Variants in AKR1C8 observed in about 807,000 individuals in gnomAD.
The protein encoded by AKR1C8 is aldo-keto reductase family 1 member C-like protein 1.
the AKR1C8 span, among the ~76,000 whole-genome samples, chr10:5,134,170 C>A: frequency 6.6e-6 from 1 of 152,108 alleles, no homozygotes; most frequent in Non-Finnish European, 1.5e-5. Context: ...TCCCCTGATA[C>A]CAGCCCTGAT....
the AKR1C8 span, among the ~76,000 whole-genome samples, chr10:5,158,296 G>A: frequency 6.6e-6 from 1 of 152,198 alleles, no homozygotes; most frequent in African/African-American, 2.4e-5. Context: ...GTGGGTTACA[G>A]AGTATGTCCA....
chr10:5,176,431 T>C, the AKR1C8 span, among the ~76,000 whole-genome samples: 1 of 148,758 alleles, frequency 6.7e-6, no homozygotes, highest in African/African-American at 2.5e-5. Context: ...AGCTTTCTTC[T>C]TTTGGCTTAG....
At chr10:5,160,018 G>A in the AKR1C8 span, 3 of 359,612 alleles carry the variant, frequency 8.3e-6, no homozygotes, top group South Asian at 4.0e-5. Flanking sequence ...GGGGAGGAAG[G>A]ATATGGGTGA....
chr10:5,164,986 G>T, the AKR1C8 span, among the ~76,000 whole-genome samples: 1 of 151,986 alleles, frequency 6.6e-6, no homozygotes, highest in East Asian at 1.9e-4. Context: ...TATTCTTATT[G>T]GGTAAACTCA....
At chr10:5,179,661 G>A in the AKR1C8 span, among the ~76,000 whole-genome samples, 1 of 20,462 alleles carries the variant, frequency 4.9e-5, no homozygotes, top group Non-Finnish European at 9.6e-5. Flanking sequence ...CATATTTCTT[G>A]GAGGCTTTGT....
the AKR1C8 span, among the ~76,000 whole-genome samples, chr10:5,138,152 A>C: frequency 6.6e-6 from 1 of 152,000 alleles, no homozygotes; most frequent in Non-Finnish European, 1.5e-5. Context: ...TCTGACCACA[A>C]ATTTACCAGA....
chr10:5,161,811 A>G, the AKR1C8 span: 14 of 534,652 alleles, frequency 2.6e-5, no homozygotes, highest in Admixed American at 1.2e-4. Context: ...GCTTATAACC[A>G]TGATGAAACA....
chr10:5,168,818 T>A, the AKR1C8 span, among the ~76,000 whole-genome samples: 2 of 152,120 alleles, frequency 1.3e-5, no homozygotes, highest in Non-Finnish European at 2.9e-5. Context: ...AGAGTTCTAG[T>A]GATCCCATAG....
chr10:5,137,549 CT>C, the AKR1C8 span, among the ~76,000 whole-genome samples: 1,253 of 152,162 alleles, frequency 8.2e-3, 13 homozygotes, highest in African/African-American at 0.029. Flanking sequence ...AAATTCAACC[CT>C]GCTTCATGCT....
At chr10:5,128,191 A>C in the AKR1C8 span, among the ~76,000 whole-genome samples, 1 of 152,164 alleles carries the variant, frequency 6.6e-6, no homozygotes, top group Non-Finnish European at 1.5e-5. Flanking sequence ...ATATTTCATA[A>C]TTGAAGGAGA....
At chr10:5,128,834 AGTG>A in the AKR1C8 span, among the ~76,000 whole-genome samples, 1 of 152,132 alleles carries the variant, frequency 6.6e-6, no homozygotes, top group Admixed American at 6.6e-5. Context: ...ACACACTAAT[AGTG>A]AGGGACTCAA....
chr10:5,161,640 C>G, the AKR1C8 span: 3,556 of 527,640 alleles, frequency 6.7e-3, 96 homozygotes, highest in African/African-American at 0.061. Context: ...TCTGAATCCC[C>G]CTTAAGGCTG....
the AKR1C8 span, among the ~76,000 whole-genome samples, chr10:5,118,689 A>T: frequency 6.6e-6 from 1 of 152,110 alleles, no homozygotes; most frequent in Non-Finnish European, 1.5e-5. Context: ...TATTTGGGGC[A>T]TTGTTTGCTG....
At chr10:5,183,017 T>G in the AKR1C8 span, among the ~76,000 whole-genome samples, 104 of 152,304 alleles carry the variant, frequency 6.8e-4, no homozygotes, top group African/African-American at 2.4e-3. Flanking sequence ...ATGACTTGTT[T>G]TTGACAAAAA....
chr10:5,184,266 G>A, the AKR1C8 span, among the ~76,000 whole-genome samples: 11 of 152,092 alleles, frequency 7.2e-5, no homozygotes, highest in African/African-American at 1.4e-4. Flanking sequence ...CTCTCTACTC[G>A]AGAAAATCTT....
At chr10:5,153,986 C>T in the AKR1C8 span, among the ~76,000 whole-genome samples, 2 of 152,024 alleles carry the variant, frequency 1.3e-5, no homozygotes, top group African/African-American at 4.8e-5. Context: ...GAAAAACAAA[C>T]ATCTTCTTGT....
At chr10:5,169,028 C>T in the AKR1C8 span, among the ~76,000 whole-genome samples, 2 of 152,012 alleles carry the variant, frequency 1.3e-5, no homozygotes, top group East Asian at 1.9e-4. Flanking sequence ...GACAATTAAT[C>T]TTAAAAGACA....
chr10:5,143,462 G>A, the AKR1C8 span, among the ~76,000 whole-genome samples: 1 of 152,032 alleles, frequency 6.6e-6, no homozygotes, highest in East Asian at 1.9e-4. Flanking sequence ...CCTGATTTCA[G>A]GCCTTCACAG....
chr10:5,167,831 C>T, the AKR1C8 span, among the ~76,000 whole-genome samples: 1 of 151,996 alleles, frequency 6.6e-6, no homozygotes, highest in East Asian at 1.9e-4. Flanking sequence ...ATAAAAAACA[C>T]TGTAAAATGA....
Sources: gnomAD v4.1 joint callset for allele counts (sites outside exome capture counted in the v4.1 genomes callset) on GRCh38, gnomAD v4.1.1 for gene constraint, MANE v1.5 for transcripts, NCBI Gene and HGNC (gene_info 2026-07-23, HGNC 2026-07-21) for gene names.